WFDC11: variants seen among roughly 807,000 people sequenced by gnomAD.
The protein encoded by WFDC11 is protein WFDC11.
WFDC11 carries 9 observed loss-of-function variants against 9.9 expected under a neutral mutation model. That is an observed-to-expected ratio of 0.91 (90% confidence interval 0.55 to 1.58). The LOEUF (loss-of-function observed/expected upper bound fraction) is 1.58, where lower values mean the gene tolerates loss of function less well. WFDC11 is among the 40% of genes most tolerant of loss of function. The pLI is 0.00. For missense variants in WFDC11, 106 were observed against 101.7 expected (o/e 1.04, Z -0.18); for synonymous variants, 32 against 33.3 (o/e 0.96, Z 0.13).
At chr20:45,665,991 G>T (rs1983180133) in intron 2 of WFDC11, among the ~76,000 whole-genome samples, 1 of 152,178 alleles carries the variant, frequency 6.6e-6, no homozygotes, top group African/African-American at 2.4e-5. Context: ...TGCAGGAGTT[G>T]TCTGTTGCCT....
At position 45,649,345 on chromosome 20, in the gene WFDC11, G is replaced by C. The variant is rs1315184590; in HGVS notation, c.155C>G (p.Thr52Ser). 2 of 1,613,976 alleles carry C rather than the reference G, an allele frequency of 1.2e-6. No individual in the cohort carries two copies. The highest frequency in any genetic ancestry group is 2.7e-5 in the African/African-American group (2 of 74,898). The change falls in exon 4 of 5, where the codon ACC becomes AGC. Residue 52 changes from threonine to serine, a missense_variant. Coordinates refer to ENST00000324384, the MANE Select transcript of WFDC11 (RefSeq NM_147197.2). The stretch of plus-strand genomic sequence containing the variant: ...TCTAAAGGCTTTAGAACACTTATTG[G>C]TACATTCTTTGACATTTGGCTTTCC... Reference protein sequence around the residue: ...CWGKPNVKECTNKCSKAFRCK... With the variant: ...CWGKPNVKECSNKCSKAFRCK...
chr20:45,661,368 G>A (rs1289635563), intron 2 of WFDC11, among the ~76,000 whole-genome samples: 13 of 151,512 alleles, frequency 8.6e-5, no homozygotes, highest in South Asian at 2.1e-4. Context: ...TTTGTAGGTT[G>A]CCTGTTCACT....
chr20:45,658,625 C>A (rs1384255436), intron 2 of WFDC11, among the ~76,000 whole-genome samples: 1 of 151,828 alleles, frequency 6.6e-6, no homozygotes, highest in East Asian at 1.9e-4. Context: ...AATGGTATAT[C>A]AATTTTATTT....
chr20:45,656,409 TC>T (rs1982932564), intron 2 of WFDC11, among the ~76,000 whole-genome samples: 1 of 152,222 alleles, frequency 6.6e-6, no homozygotes, highest in African/African-American at 2.4e-5. Context: ...CTAGATCCTT[TC>T]CTTACACCTT....
intron 2 of WFDC11, among the ~76,000 whole-genome samples, chr20:45,654,091 T>C (rs1234312011): frequency 2.0e-5 from 3 of 152,166 alleles, no homozygotes; most frequent in Non-Finnish European, 4.4e-5. Flanking sequence ...CTAATAGACA[T>C]CTACAGAACT....
intron 2 of WFDC11, among the ~76,000 whole-genome samples, chr20:45,653,595 G>A (rs1229172265): frequency 1.3e-5 from 2 of 151,938 alleles, no homozygotes; most frequent in Non-Finnish European, 2.9e-5. Flanking sequence ...AACCTTAAAT[G>A]TAAATGGGCT....
intron 2 of WFDC11, among the ~76,000 whole-genome samples, chr20:45,663,429 A>G (rs192634655): frequency 6.6e-6 from 1 of 151,764 alleles, no homozygotes; most frequent in South Asian, 2.1e-4. Flanking sequence ...TAACTCTTTC[A>G]GTTCTTCTCT....
chr20:45,652,772 C>T (rs1243110485), intron 2 of WFDC11, among the ~76,000 whole-genome samples: 1 of 152,140 alleles, frequency 6.6e-6, no homozygotes, highest in East Asian at 1.9e-4. Context: ...GGCATGAGAA[C>T]TATGTGACAA....
chr20:45,663,494 C>T (rs962078717), intron 2 of WFDC11, among the ~76,000 whole-genome samples: 5 of 152,024 alleles, frequency 3.3e-5, no homozygotes, highest in Non-Finnish European at 7.4e-5. Flanking sequence ...GCTCTTGCTT[C>T]TCTAGTTACT....
intron 2 of WFDC11, among the ~76,000 whole-genome samples, chr20:45,665,172 C>T (rs1983161189): frequency 6.6e-6 from 1 of 152,184 alleles, no homozygotes; most frequent in East Asian, 1.9e-4. Flanking sequence ...ATTTGATCTT[C>T]AATCACTGAT....
intron 2 of WFDC11, among the ~76,000 whole-genome samples, chr20:45,659,958 A>G (rs936207750): frequency 5.9e-5 from 9 of 152,176 alleles, no homozygotes; most frequent in African/African-American, 2.2e-4. Context: ...AGCACCATTT[A>G]TTAAATAGGG....
intron 4 of WFDC11, 44 bp from the exon 5 acceptor site, chr20:45,648,783 G>A (rs1982738342): frequency 6.2e-7 from 1 of 1,600,460 alleles, no homozygotes; most frequent in Non-Finnish European, 8.6e-7. Flanking sequence ...AGAGAACTCT[G>A]AGAAACAAGC....
chr20:45,655,011 A>C (rs1047724876), intron 2 of WFDC11, among the ~76,000 whole-genome samples: 1 of 152,084 alleles, frequency 6.6e-6, no homozygotes, highest in Non-Finnish European at 1.5e-5. Context: ...GTACAAGGAG[A>C]AGCTGGTACC....
At chr20:45,648,856 G>A (rs759807814) in intron 4 of WFDC11, 117 bp from the exon 5 acceptor site, 70 of 1,107,398 alleles carry the variant, frequency 6.3e-5, no homozygotes, top group Non-Finnish European at 8.3e-5. Flanking sequence ...ATACTTTAAC[G>A]TAACAACAGG....
intron 2 of WFDC11, among the ~76,000 whole-genome samples, chr20:45,665,971 C>T (rs542682915): frequency 6.6e-6 from 1 of 152,300 alleles, no homozygotes; most frequent in Non-Finnish European, 1.5e-5. Flanking sequence ...CAGACGGGGA[C>T]GTTTAGGTCT....
chr20:45,648,649 G>A lies in WFDC11; in HGVS notation c.*70C>T, dbSNP rs1982732587. ...CTGGTGTTCCTAAAAGTAGCCACAG[G>A]GTACTACTATGAGACCTCTTAAACA... is the stretch of plus-strand genomic sequence containing the variant. On this transcript the variant is annotated 3_prime_UTR_variant, in exon 5 of 5. Coordinates refer to ENST00000324384, the MANE Select transcript of WFDC11 (RefSeq NM_147197.2). The A allele has an allele frequency of 6.5e-7, 1 of 1,542,812 alleles. No homozygotes were observed. Among genetic ancestry groups the A allele is most frequent in the African/African-American group, 1.4e-5 (1 of 73,186 alleles).
chr20:45,653,836 G>A (rs1340373617), intron 2 of WFDC11, among the ~76,000 whole-genome samples: 1 of 152,128 alleles, frequency 6.6e-6, no homozygotes, highest in East Asian at 1.9e-4. Flanking sequence ...GGCAAAGAAG[G>A]CCATTACATA....
rs370486702 is a variant in WFDC11, at chr20:45,661,597, C to A, written c.-52+5491G>T. Reference sequence around the variant, plus strand: ...TCCATCTTGAATTAATTTTTGTATACGGTGTAAGGAAGGGATCCAGTTTCA... The same window carrying A: ...TCCATCTTGAATTAATTTTTGTATAAGGTGTAAGGAAGGGATCCAGTTTCA... On this transcript the variant is annotated intron_variant, in intron 2 of 4. Coordinates refer to ENST00000324384, the MANE Select transcript of WFDC11 (RefSeq NM_147197.2). 6.8e-3 allele frequency among the ~76,000 whole-genome samples: 1,031 copies of A among 152,046 alleles called. 6 individuals are homozygous for A. Among genetic ancestry groups the A allele is most frequent in the African/African-American group, 0.02 (831 of 41,488 alleles).
chr20:45,667,459 G>A (rs1266896185), intron 1 of WFDC11, among the ~76,000 whole-genome samples: 2 of 149,528 alleles, frequency 1.3e-5, no homozygotes, highest in Non-Finnish European at 3.0e-5. Context: ...GTGGAAGGAG[G>A]ATCTACATAT....
Sources: allele counts gnomAD v4.1 joint callset (sites outside exome capture counted in the v4.1 genomes callset), GRCh38; gene constraint gnomAD v4.1.1; transcripts MANE v1.5; gene names NCBI Gene and HGNC (gene_info 2026-07-23, HGNC 2026-07-21).